Variants in DDX60L observed in about 807,000 individuals in gnomAD.
The protein encoded by DDX60L is DExD/H-box 60 like.
Under a neutral mutation model 211.6 loss-of-function variants are expected in DDX60L, and 191 were observed. That is an observed-to-expected ratio of 0.90 (90% CI 0.80 to 1.02). The LOEUF (loss-of-function observed/expected upper bound fraction) is 1.02, where lower values mean the gene tolerates loss of function less well. DDX60L is among the 50% of genes least tolerant of loss of function. The pLI, the probability that DDX60L is intolerant of heterozygous loss-of-function variation, is 0.00. For missense variants in DDX60L, 2,007 were observed against 1,984.1 expected (o/e 1.01, Z -0.22); for synonymous variants, 706 against 694.1 (o/e 1.02, Z -0.27).
chr4:168,388,000 T>C (rs1744185232), intron 29 of DDX60L, among the ~76,000 whole-genome samples: 1 of 152,156 alleles, frequency 6.6e-6, no homozygotes, highest in Non-Finnish European at 1.5e-5. Flanking sequence ...TGGTTTCCAT[T>C]ATACCACAAC....
chr4:168,384,783 T>C lies in DDX60L; in HGVS notation c.3945A>G (p.Gln1315=), dbSNP rs750207743. 6.2e-7 allele frequency: 1 copy of C among 1,613,530 alleles called. No homozygotes were observed. The highest frequency in any genetic ancestry group is 1.7e-5 in the Admixed American group (1 of 59,898). Residue 1315 remains glutamine (Q), a synonymous_variant, in exon 30 of 38, where the codon CAA becomes CAG. Transcript: ENST00000682922. ...QMSGRAGRRG[Q]DLLGNVYFFD... is the part of the protein sequence containing the mutation. ...AGAAATACACATTTCCAAGCAGGTC[T>C]TGACCTCTTCTTCCAGCACGACCAG...
chr4:168,449,471 C>CG (rs1322311913), intron 8 of DDX60L, among the ~76,000 whole-genome samples: 1 of 32,296 alleles, frequency 3.1e-5, no homozygotes, highest in African/African-American at 1.7e-4. Flanking sequence ...GTGGTGGGGT[C>CG]GGGGGAGGGG....
intron 17 of DDX60L, among the ~76,000 whole-genome samples, chr4:168,421,233 A>T (rs1488179368): frequency 1.3e-5 from 2 of 152,352 alleles, no homozygotes; most frequent in Admixed American, 1.3e-4. Flanking sequence ...GTAAATTTTT[A>T]AAAAATTAAT....
intron 9 of DDX60L, among the ~76,000 whole-genome samples, chr4:168,442,157 G>A (rs940345920): frequency 3.9e-5 from 6 of 152,098 alleles, no homozygotes; most frequent in South Asian, 2.1e-4. Context: ...CACCGTGTGC[G>A]AGCCGAAGCA....
Position 168,386,699 on chromosome 4 carries a change from C to T in DDX60L, c.3916-1887G>A, listed in dbSNP as rs536425774. On this transcript the variant is annotated intron_variant, in intron 29 of 37. Transcript: ENST00000682922. Reference sequence around the variant, plus strand: ...CCTGATGTTTTTTTAATCAAAGTCACGTCCCCAAGGGCCAGGTGAGCCTGC... The same window carrying T: ...CCTGATGTTTTTTTAATCAAAGTCATGTCCCCAAGGGCCAGGTGAGCCTGC... 9.9e-5 allele frequency among the ~76,000 whole-genome samples: 15 copies of T among 151,914 alleles called. No homozygotes were observed. In the East Asian group the frequency reaches 1.9e-3, roughly 20 times the overall value.
At chr4:168,437,890 T>C (rs1289429841) in intron 10 of DDX60L, among the ~76,000 whole-genome samples, 1 of 152,084 alleles carries the variant, frequency 6.6e-6, no homozygotes, top group Admixed American at 6.5e-5. Context: ...GTTTTGTTTT[T>C]TGAAACGGAG....
intron 4 of DDX60L, among the ~76,000 whole-genome samples, chr4:168,468,522 C>T (rs982526976): frequency 2.0e-5 from 3 of 152,062 alleles, no homozygotes; most frequent in Non-Finnish European, 4.4e-5. Flanking sequence ...TGTAAAATAA[C>T]TACAGCTAAT....
Position 168,379,486 on chromosome 4 carries a change from C to A in DDX60L, c.4240G>T (p.Gly1414Cys), listed in dbSNP as rs371784309. The A allele has an allele frequency of 5.1e-5, 81 of 1,577,256 alleles. No homozygotes were observed. Among genetic ancestry groups the A allele is most frequent in the Non-Finnish European group, 6.5e-5 (76 of 1,167,944 alleles). Residue 1414 changes from glycine to cysteine, a missense_variant, in exon 32 of 38, where the codon GGT becomes TGT. Transcript: ENST00000682922. ...LIKEDYLNKK[G>C]NPKKFAGLAS... The stretch of plus-strand genomic sequence containing the variant: ...AGTCCTGCAAATTTCTTTGGATTAC[C>A]CTTTTTATTTAAATAGTCCTAAAAA...
rs373360699 is a variant in DDX60L, at chr4:168,415,423, C to T, written c.2964G>A (p.Ala988=). Residue 988 remains alanine (A), a synonymous_variant, in exon 22 of 38, where the codon GCG becomes GCA. Transcript: ENST00000682922. ...VYFDHFHPCA[A]LTTDIIEKYG... ...TTATACTTACAATATCTGTCGTTAG[C>T]GCAGCACAGGGATGAAAATGATCAA... is the stretch of plus-strand genomic sequence containing the variant. 2.7e-5 allele frequency: 43 copies of T among 1,601,990 alleles called. No homozygotes were observed. Among genetic ancestry groups the T allele is most frequent in the Admixed American group, 1.2e-4 (7 of 58,714 alleles).
At chr4:168,472,000 T>C in intron 3 of DDX60L, 64 bp from the exon 4 acceptor site, 1 of 1,337,506 alleles carries the variant, frequency 7.5e-7, no homozygotes, top group Non-Finnish European at 1.0e-6. Context: ...TTGCTGTTGT[T>C]GTTACTATTA....
intron 5 of DDX60L, among the ~76,000 whole-genome samples, chr4:168,460,757 A>G (rs190785772): frequency 4.9e-4 from 75 of 152,350 alleles, no homozygotes; most frequent in Admixed American, 4.9e-3. Flanking sequence ...GTAAGGACTC[A>G]GTCCAACAAG....
At chr4:168,394,012 G>C (rs1402954189) in intron 28 of DDX60L, among the ~76,000 whole-genome samples, 1 of 152,052 alleles carries the variant, frequency 6.6e-6, no homozygotes, top group African/African-American at 2.4e-5. Context: ...GGCCCGTATG[G>C]TGAAACCCTG....
intron 5 of DDX60L, among the ~76,000 whole-genome samples, chr4:168,458,312 C>G (rs1756865327): frequency 6.6e-6 from 1 of 152,046 alleles, no homozygotes; most frequent in Non-Finnish European, 1.5e-5. Flanking sequence ...GGTATATACC[C>G]AAAGGAATAT....
chr4:168,359,515 C>T (rs1468428074), intron 37 of DDX60L, among the ~76,000 whole-genome samples: 3 of 152,184 alleles, frequency 2.0e-5, no homozygotes, highest in Non-Finnish European at 2.9e-5. Context: ...TTCATTTCTA[C>T]CACCACTGCC....
intron 22 of DDX60L, among the ~76,000 whole-genome samples, chr4:168,408,683 G>T (rs1263693665): frequency 6.6e-6 from 1 of 152,146 alleles, no homozygotes; most frequent in African/African-American, 2.4e-5. Context: ...GAACTACACA[G>T]AAAGAGACAG....
intron 28 of DDX60L, among the ~76,000 whole-genome samples, chr4:168,393,804 CAAATGTATAGTCATTTATACT>C (rs1428633878): frequency 1.3e-5 from 2 of 152,028 alleles, no homozygotes; most frequent in Non-Finnish European, 2.9e-5. Flanking sequence ...ATAGTCTGAC[CAAATGTATAGTCATTTATACT>C]AAATGTATAA....
intron 36 of DDX60L, among the ~76,000 whole-genome samples, chr4:168,362,240 A>G (rs1415094590): frequency 6.6e-6 from 1 of 152,200 alleles, no homozygotes; most frequent in African/African-American, 2.4e-5. Context: ...AGTTCAGCAG[A>G]GGCCTCACCT....
chr4:168,447,846 G>A (rs945731352), intron 9 of DDX60L, among the ~76,000 whole-genome samples: 14 of 141,364 alleles, frequency 9.9e-5, no homozygotes, highest in African/African-American at 3.7e-4. Context: ...CATGGACACA[G>A]GAAGGGGAAT....
chr4:168,433,925 CCAA>C (rs1222933894), intron 10 of DDX60L, among the ~76,000 whole-genome samples: 1 of 152,190 alleles, frequency 6.6e-6, no homozygotes, highest in Non-Finnish European at 1.5e-5. Flanking sequence ...ACACTAGCCC[CCAA>C]CAACCATTAT....
Sources: gnomAD v4.1 joint callset for allele counts (sites outside exome capture counted in the v4.1 genomes callset) on GRCh38, gnomAD v4.1.1 for gene constraint, MANE v1.5 for transcripts, NCBI Gene and HGNC (gene_info 2026-07-23, HGNC 2026-07-21) for gene names.